AIG1: variants seen among roughly 807,000 people sequenced by gnomAD.
The protein encoded by AIG1 is androgen-induced gene 1 protein.
Under a neutral mutation model 31.4 loss-of-function variants are expected in AIG1, and 23 were observed. The observed-to-expected ratio is 0.73, with a 90% CI of 0.53 to 1.04. The LOEUF (loss-of-function observed/expected upper bound fraction) is 1.04. Ranked by LOEUF, AIG1 falls within the 50% of genes least tolerant of loss-of-function variation. The pLI, the probability that AIG1 is intolerant of heterozygous loss-of-function variation, is 0.00. For missense variants in AIG1, 274 were observed against 295.0 expected (o/e 0.93, Z 0.52); for synonymous variants, 100 against 110.5 (o/e 0.90, Z 0.60).
At chr6:143,076,176 A>T (rs1459913411) in intron 1 of AIG1, among the ~76,000 whole-genome samples, 2 of 152,186 alleles carry the variant, frequency 1.3e-5, no homozygotes, top group Non-Finnish European at 2.9e-5. Flanking sequence ...CTCTAAGTAT[A>T]ATTGTGGGTT....
At chr6:143,116,625 C>A (rs572011881) in intron 1 of AIG1, among the ~76,000 whole-genome samples, 2 of 150,238 alleles carry the variant, frequency 1.3e-5, no homozygotes, top group East Asian at 3.9e-4. Context: ...TGCCAAATCC[C>A]TTTTTAAGCC....
rs549948500 is a variant in AIG1 at position 143,118,141 on chromosome 6, G to A, written c.142-18694G>A. ...ACAAAGATTAAAACATCACTAGGCC[G>A]GGTGCAGTGGCTCACGCCCGGTGAG... is the stretch of plus-strand genomic sequence containing the variant. On this transcript the variant is annotated intron_variant, in intron 1 of 5. Coordinates refer to ENST00000357847, the MANE Select transcript of AIG1 (RefSeq NM_016108.4). Among the ~76,000 whole-genome samples, 10 of 152,204 alleles carry A rather than the reference G, an allele frequency of 6.6e-5. No homozygotes were observed. In the East Asian group the frequency reaches 1.4e-3, roughly 21 times the overall value.
In AIG1 at chr6:143,117,012, A is replaced by G. The variant is rs116082415; in HGVS notation, c.142-19823A>G. Among the ~76,000 whole-genome samples, 363 of 152,194 alleles carry G rather than the reference A, an allele frequency of 2.4e-3. 3 individuals carry two copies. Among genetic ancestry groups the G allele is most frequent in the African/African-American group, 8.5e-3 (353 of 41,528 alleles). On this transcript the variant is annotated intron_variant, in intron 1 of 5. Transcript: ENST00000357847. ...CTGTTTCGCCATTCCCGGATTCCCT[A>G]GCTCAGAACACACATTCAGTGTGTC...
At chr6:143,283,767 G>A (rs1209159742) in intron 3 of AIG1, among the ~76,000 whole-genome samples, 1 of 152,166 alleles carries the variant, frequency 6.6e-6, no homozygotes, top group Non-Finnish European at 1.5e-5. Context: ...TGAACAGGGA[G>A]GGAAAAAATG....
chr6:143,309,913 C>T (rs1775127837), intron 4 of AIG1, among the ~76,000 whole-genome samples: 1 of 151,850 alleles, frequency 6.6e-6, no homozygotes, highest in Non-Finnish European at 1.5e-5. Flanking sequence ...AGGAGTACTA[C>T]ATAATAATGA....
intron 4 of AIG1, among the ~76,000 whole-genome samples, chr6:143,305,350 T>C (rs980424841): frequency 3.4e-4 from 51 of 152,208 alleles, no homozygotes; most frequent in African/African-American, 1.2e-3. Flanking sequence ...CTGCTTTCTT[T>C]TGTGGGCATT....
At chr6:143,320,927 T>C (rs1188031251) in intron 4 of AIG1, among the ~76,000 whole-genome samples, 1 of 151,844 alleles carries the variant, frequency 6.6e-6, no homozygotes, top group African/African-American at 2.4e-5. Context: ...GTTCAAGCGA[T>C]TCTCCTGCCT....
chr6:143,302,838 C>G (rs779531258), intron 4 of AIG1, among the ~76,000 whole-genome samples: 1 of 152,182 alleles, frequency 6.6e-6, no homozygotes, highest in African/African-American at 2.4e-5. Flanking sequence ...TACAGTCTCA[C>G]CAACAGTGTA....
In AIG1 at chr6:143,147,653, G is replaced by C. The variant is rs58657197; in HGVS notation, c.297+10663G>C. Among the ~76,000 whole-genome samples the C allele has an allele frequency of 6.0e-3, 917 of 152,208 alleles. 11 individuals carry two copies. Among genetic ancestry groups the C allele is most frequent in the African/African-American group, 0.014 (598 of 41,528 alleles). Reference sequence around the variant, plus strand: ...CATTAATAAAGCAACGTTTTGGTCTGAATATTCAGAAATGCTACCTGCACC... The same window carrying C: ...CATTAATAAAGCAACGTTTTGGTCTCAATATTCAGAAATGCTACCTGCACC... On this transcript the variant is annotated intron_variant, in intron 2 of 5. Coordinates refer to ENST00000357847, the MANE Select transcript of AIG1 (RefSeq NM_016108.4).
At chr6:143,205,181 T>C (rs1315929110) in intron 3 of AIG1, among the ~76,000 whole-genome samples, 1 of 152,202 alleles carries the variant, frequency 6.6e-6, no homozygotes, top group African/African-American at 2.4e-5. Flanking sequence ...ATGTGCCTTA[T>C]TCCCAGTTCG....
At chr6:143,135,750 C>G (rs181956493) in intron 1 of AIG1, among the ~76,000 whole-genome samples, 1 of 152,288 alleles carries the variant, frequency 6.6e-6, no homozygotes, top group East Asian at 1.9e-4. Context: ...ATCCACAGAG[C>G]TTTCACAGAC....
At chr6:143,182,640 A>G (rs949884360) in intron 3 of AIG1, among the ~76,000 whole-genome samples, 1 of 152,070 alleles carries the variant, frequency 6.6e-6, no homozygotes, top group African/African-American at 2.4e-5. Context: ...CATCCTTGAT[A>G]TATAATGTGG....
chr6:143,319,213 A>G (rs1776005335), intron 4 of AIG1, among the ~76,000 whole-genome samples: 1 of 152,190 alleles, frequency 6.6e-6, no homozygotes, highest in African/African-American at 2.4e-5. Context: ...CTGCAAAAAT[A>G]TGGAACAAGC....
Position 143,247,483 on chromosome 6 carries a change from C to T in AIG1, c.400-36627C>T, listed in dbSNP as rs1398383715. Reference sequence around the variant, plus strand: ...GTTATTTCTGGAGGCAGAACTAATACCTCTTGGTTTAAAGACCCCGTCATA... The same window carrying T: ...GTTATTTCTGGAGGCAGAACTAATATCTCTTGGTTTAAAGACCCCGTCATA... On this transcript the variant is annotated intron_variant, in intron 3 of 5. Transcript: ENST00000357847. Among the ~76,000 whole-genome samples, 3 of 152,136 alleles carry T rather than the reference C, an allele frequency of 2.0e-5. No individual in the cohort carries two copies. In the East Asian group the frequency reaches 5.8e-4, roughly 29 times the overall value.
At chr6:143,242,275 G>A (rs949405193) in intron 3 of AIG1, among the ~76,000 whole-genome samples, 1 of 152,170 alleles carries the variant, frequency 6.6e-6, no homozygotes, top group Non-Finnish European at 1.5e-5. Flanking sequence ...GGGTTGCTGT[G>A]TAATATGAGG....
chr6:143,077,916 T>C (rs1184805564), intron 1 of AIG1, among the ~76,000 whole-genome samples: 2 of 152,246 alleles, frequency 1.3e-5, no homozygotes, highest in Non-Finnish European at 2.9e-5. Flanking sequence ...TGTCTCTATC[T>C]ACTGATGAGG....
chr6:143,239,667 G>A (rs1244098911), intron 3 of AIG1, among the ~76,000 whole-genome samples: 2 of 152,182 alleles, frequency 1.3e-5, no homozygotes, highest in African/African-American at 4.8e-5. Context: ...ATTAAGACAT[G>A]TGTTATTGCA....
intron 1 of AIG1, among the ~76,000 whole-genome samples, chr6:143,072,763 T>G (rs1777407364): frequency 6.6e-6 from 1 of 152,192 alleles, no homozygotes; most frequent in Non-Finnish European, 1.5e-5. Flanking sequence ...TTGTGTGTAT[T>G]TAAGGTATAC....
At position 143,295,778 on chromosome 6, in the gene AIG1, G is replaced by A. The variant is rs570404876; in HGVS notation, c.515+11553G>A. On this transcript the variant is annotated intron_variant, in intron 4 of 5. Coordinates refer to ENST00000357847, the MANE Select transcript of AIG1 (RefSeq NM_016108.4). The stretch of plus-strand genomic sequence containing the variant: ...GGATTTAAAAAATAGTTGAAGTTTT[G>A]TGGTTATTTGATTAACTCTTTCTCC... Among the ~76,000 whole-genome samples, 7 of 152,152 alleles carry A rather than the reference G, an allele frequency of 4.6e-5. No individual in the cohort carries two copies. In the South Asian group the frequency reaches 1.5e-3, roughly 32 times the overall value.
Sources: gnomAD v4.1 joint callset for allele counts (sites outside exome capture counted in the v4.1 genomes callset) on GRCh38, gnomAD v4.1.1 for gene constraint, MANE v1.5 for transcripts, NCBI Gene and HGNC (gene_info 2026-07-23, HGNC 2026-07-21) for gene names.